The following ARHGEF4 variants were observed in gnomAD, a reference collection of about 807,000 sequenced individuals.
ARHGEF4 encodes Rho guanine nucleotide exchange factor 4, also known as APC-stimulated guanine nucleotide exchange factor 1.
In ARHGEF4, 119 loss-of-function variants were observed where a neutral mutation model predicts 162.0. The ratio of observed to expected loss-of-function variants is 0.73; its 90% CI spans 0.63 to 0.86. The LOEUF (loss-of-function observed/expected upper bound fraction) is 0.86, where lower values mean the gene tolerates loss of function less well. ARHGEF4 is among the 40% of genes least tolerant of loss of function. ARHGEF4 has a pLI of 0.00. For missense variants in ARHGEF4, 2,488 were observed against 2,456.0 expected, an observed-to-expected ratio of 1.01 and a Z score of -0.28; for synonymous variants, 1,014 against 979.9, an observed-to-expected ratio of 1.03 and a Z score of -0.65.
At position 131,045,557 on chromosome 2, in the gene ARHGEF4, G is replaced by A. The variant is rs573664288; in HGVS notation, c.5479+111G>A. ...CAGCTAGCCACCAGGCCTGAGGGGG[G>A]CCCACTGCCCTTTGCAGCTGTTTGT... On this transcript the variant is annotated intron_variant, in intron 13 of 13. Transcript: ENST00000409359. The A allele has an allele frequency of 6.2e-6, 10 of 1,606,638 alleles. No individual in the cohort carries two copies. The Middle Eastern group carries it at 5.0e-4, about 80-fold the overall frequency.
At chr2:130,841,581 T>C (rs1335624052) in intron 1 of ARHGEF4, among the ~76,000 whole-genome samples, 2 of 152,086 alleles carry the variant, frequency 1.3e-5, no homozygotes, top group African/African-American at 2.4e-5. Flanking sequence ...ACCGTTCTCA[T>C]CTGTAGAATT....
chr2:130,958,208 C>G (rs772819798), intron 4 of ARHGEF4, among the ~76,000 whole-genome samples: 1 of 152,024 alleles, frequency 6.6e-6, no homozygotes, highest in Non-Finnish European at 1.5e-5. Flanking sequence ...AGAAAGATCC[C>G]TGGCTGAGAG....
chr2:131,020,245 T>G (rs1362729861), intron 4 of ARHGEF4, among the ~76,000 whole-genome samples: 1 of 152,076 alleles, frequency 6.6e-6, no homozygotes, highest in African/African-American at 2.4e-5. Flanking sequence ...ATGTGCAGGT[T>G]TGTTACATAT....
chr2:130,986,986 A>T (rs774584464), intron 4 of ARHGEF4, among the ~76,000 whole-genome samples: 2 of 152,184 alleles, frequency 1.3e-5, no homozygotes, highest in African/African-American at 2.4e-5. Context: ...GAATCCTTAC[A>T]CAGCAAGCCA....
chr2:130,843,870 A>G (rs1397730102), intron 1 of ARHGEF4, among the ~76,000 whole-genome samples: 2 of 152,178 alleles, frequency 1.3e-5, no homozygotes, highest in Non-Finnish European at 2.9e-5. Flanking sequence ...AGAGGGCCCC[A>G]GATTGATGTT....
intron 1 of ARHGEF4, among the ~76,000 whole-genome samples, chr2:130,883,059 C>T (rs905714253): frequency 1.3e-5 from 2 of 152,092 alleles, no homozygotes; most frequent in African/African-American, 4.8e-5. Flanking sequence ...CCCCTTTCTA[C>T]CTCTAACCCC....
intron 1 of ARHGEF4, among the ~76,000 whole-genome samples, chr2:130,844,693 T>A (rs553420764): frequency 6.6e-6 from 1 of 152,156 alleles, no homozygotes; most frequent in South Asian, 2.1e-4. Context: ...ATGTAACCCC[T>A]TCACTCTCAG....
chr2:130,902,693 A>G (rs976130420), intron 1 of ARHGEF4, among the ~76,000 whole-genome samples: 2 of 151,656 alleles, frequency 1.3e-5, no homozygotes, highest in African/African-American at 2.4e-5. Flanking sequence ...AGCCCTGCAT[A>G]TGTAATCCTC....
Position 130,931,238 on chromosome 2 carries a change from T to C in ARHGEF4, c.3839T>C (p.Val1280Ala), listed in dbSNP as rs1232004057. 6.2e-7 allele frequency: 1 copy of C among 1,609,226 alleles called. No homozygotes were observed. Among genetic ancestry groups the C allele is most frequent in the South Asian group, 1.1e-5 (1 of 90,692 alleles). ...GAAAGGAGGCTGCACATAGGGGCAG[T>C]GCACAAAGATGGAGTCAAGGTAAGC... ...HVERRLHIGA[V>A]HKDGVKCWRK... Residue 1280 changes from valine (V) to alanine (A), a missense_variant, in exon 3 of 14, where the codon GTG (valine) becomes GCG (alanine). Coordinates refer to ENST00000409359, the MANE Select transcript of ARHGEF4 (RefSeq NM_001367493.1).
At chr2:130,922,941 T>TATATA in intron 2 of ARHGEF4, among the ~76,000 whole-genome samples, 1 of 148,608 alleles carries the variant, frequency 6.7e-6, no homozygotes, top group Non-Finnish European at 1.5e-5. Context: ...TATATATATA[T>TATATA]TTTGTTTGAG....
rs144647660 is a variant in ARHGEF4, at chr2:130,921,549, A to G, written c.3552+4051A>G. On this transcript the variant is annotated intron_variant, in intron 2 of 13. Coordinates refer to ENST00000409359, the MANE Select transcript of ARHGEF4 (RefSeq NM_001367493.1). Reference sequence around the variant, plus strand: ...TTGCATCAAATTACACTCTCTCATTAGGAGTATCCTTTGCTCTCTGTTCTC... The same window carrying G: ...TTGCATCAAATTACACTCTCTCATTGGGAGTATCCTTTGCTCTCTGTTCTC... 9.8e-5 allele frequency among the ~76,000 whole-genome samples: 15 copies of G among 152,314 alleles called. No homozygotes were observed. The East Asian group carries it at 2.3e-3, about 24-fold the overall frequency.
intron 5 of ARHGEF4, among the ~76,000 whole-genome samples, chr2:131,031,559 G>T (rs1689853948): frequency 6.6e-6 from 1 of 152,232 alleles, no homozygotes; most frequent in Non-Finnish European, 1.5e-5. Context: ...CCCCTGCATT[G>T]TCCCATATGG....
intron 2 of ARHGEF4, among the ~76,000 whole-genome samples, chr2:130,930,368 A>G (rs1334149754): frequency 3.3e-5 from 5 of 152,190 alleles, no homozygotes; most frequent in Non-Finnish European, 7.3e-5. Flanking sequence ...AATTCCAAAC[A>G]ACAGAGATGC....
At chr2:131,017,178 A>T in intron 4 of ARHGEF4, among the ~76,000 whole-genome samples, 1 of 152,162 alleles carries the variant, frequency 6.6e-6, no homozygotes, top group Admixed American at 6.5e-5. Flanking sequence ...CCCATCCTTT[A>T]ACGCTTTCCT....
chr2:130,917,125 G>A lies in ARHGEF4; in HGVS notation c.3179G>A (p.Arg1060Gln), dbSNP rs746076875. The change falls in exon 2 of 14, where the codon CGG becomes CAG. Residue 1060 changes from arginine (R) to glutamine (Q), a missense_variant. Transcript: ENST00000409359. ...KSWLASPGSP[R>Q]AQQAGIAHTL... ...TGGCTGGCGTCCCCCGGCAGCCCTC[G>A]GGCCCAGCAGGCTGGAATCGCACAC... The A allele has an allele frequency of 6.5e-6, 10 of 1,550,298 alleles. 1 individual carries two copies. The East Asian group carries it at 2.0e-4, about 30-fold the overall frequency.
Position 130,914,781 on chromosome 2 carries a change from G to A in ARHGEF4, c.835G>A (p.Gly279Arg). The A allele has an allele frequency of 7.0e-7, 1 of 1,437,458 alleles. No individual in the cohort carries two copies. Among genetic ancestry groups the A allele is most frequent in the South Asian group, 1.5e-5 (1 of 66,404 alleles). 89.0% of individuals were successfully genotyped at this position (1,437,458 alleles called of 1,614,324 possible). The change falls in exon 2 of 14, where the codon GGG becomes AGG. Residue 279 changes from glycine to arginine, a missense_variant. Coordinates refer to ENST00000409359, the MANE Select transcript of ARHGEF4 (RefSeq NM_001367493.1). Reference protein sequence around the residue: ...TKKESTLGPAGDTELLWSQPH... With the variant: ...TKKESTLGPARDTELLWSQPH... The stretch of plus-strand genomic sequence containing the variant: ...GAAGGAAAGTACTCTAGGCCCTGCA[G>A]GGGACACAGAATTGCTCTGGTCCCA...
At chr2:130,999,169 T>A (rs941081099) in intron 4 of ARHGEF4, among the ~76,000 whole-genome samples, 2 of 150,804 alleles carry the variant, frequency 1.3e-5, no homozygotes, top group Non-Finnish European at 3.0e-5. Flanking sequence ...TCTTTTTTTT[T>A]TTTTTTTGAG....
chr2:131,035,307 G>C (rs1478473067), intron 5 of ARHGEF4: 1 of 1,187,102 alleles, frequency 8.4e-7, no homozygotes, highest in Non-Finnish European at 1.0e-6. Flanking sequence ...CGCGGGCGAC[G>C]GCACTCCAGC....
intron 4 of ARHGEF4, among the ~76,000 whole-genome samples, chr2:130,991,875 G>A (rs1687010932): frequency 6.6e-6 from 1 of 152,262 alleles, no homozygotes; most frequent in African/African-American, 2.4e-5. Context: ...CAGCCCCGGT[G>A]CGGGATCCAC....
Sources: allele counts gnomAD v4.1 joint callset (sites outside exome capture counted in the v4.1 genomes callset), GRCh38; gene constraint gnomAD v4.1.1; transcripts MANE v1.5; gene names NCBI Gene and HGNC (gene_info 2026-07-23, HGNC 2026-07-21).